PDE1A: variants seen among roughly 807,000 people sequenced by gnomAD.
The protein encoded by PDE1A is phosphodiesterase 1A, also known as dual specificity calcium/calmodulin-dependent 3',5'-cyclic nucleotide phosphodiesterase 1A.
Under a neutral mutation model 61.7 loss-of-function variants are expected in PDE1A, and 35 were observed. The observed-to-expected ratio is 0.57, with a 90% confidence interval of 0.43 to 0.75. PDE1A has a LOEUF of 0.75. Among genes scored for constraint, PDE1A ranks in the 30% least tolerant of loss-of-function variants. The pLI is 0.00. For missense variants in PDE1A, 597 were observed against 630.6 expected, an observed-to-expected ratio of 0.95 and a Z score of 0.57; for synonymous variants, 232 against 213.2, an observed-to-expected ratio of 1.09 and a Z score of -0.77.
intron 2 of PDE1A, among the ~76,000 whole-genome samples, chr2:182,491,030 T>C (rs1688357779): frequency 6.6e-6 from 1 of 152,192 alleles, no homozygotes; most frequent in African/African-American, 2.4e-5. Flanking sequence ...CATTCATGGT[T>C]ATATTTAGGT....
intron 1 of PDE1A, among the ~76,000 whole-genome samples, chr2:182,272,140 T>TG (rs917457044): frequency 1.2e-4 from 18 of 152,164 alleles, no homozygotes; most frequent in Admixed American, 5.2e-4. Flanking sequence ...TCCAGCTAAT[T>TG]GGGGTTCTAC....
intron 1 of PDE1A, among the ~76,000 whole-genome samples, chr2:182,267,963 A>G (rs904990886): frequency 1.3e-5 from 2 of 152,280 alleles, no homozygotes; most frequent in Admixed American, 6.5e-5. Flanking sequence ...ACAAATTCTC[A>G]GAGCTGAAAA....
chr2:182,278,616 G>A (rs932439880), intron 1 of PDE1A, among the ~76,000 whole-genome samples: 1 of 151,892 alleles, frequency 6.6e-6, no homozygotes, highest in African/African-American at 2.4e-5. Flanking sequence ...TTATGGACTA[G>A]ACTTCAAAAT....
chr2:182,246,395 TTTTTTC>T (rs1328347001), intron 2 of PDE1A, among the ~76,000 whole-genome samples: 1 of 101,616 alleles, frequency 9.8e-6, no homozygotes, highest in Non-Finnish European at 1.8e-5. Flanking sequence ...GTCTTTTTTC[TTTTTTC>T]TTTCTTTTTT....
At chr2:182,586,470 T>G in the PDE1A span, among the ~76,000 whole-genome samples, 1 of 152,220 alleles carries the variant, frequency 6.6e-6, no homozygotes, top group East Asian at 1.9e-4. Context: ...ATTATTTACT[T>G]TGACTGTCTA....
At chr2:182,542,581 T>C in the PDE1A span, among the ~76,000 whole-genome samples, 1 of 152,224 alleles carries the variant, frequency 6.6e-6, no homozygotes, top group Non-Finnish European at 1.5e-5. Flanking sequence ...TTTAAATTTT[T>C]TATAAATCTC....
chr2:182,589,282 A>AGGAAGGAC, the PDE1A span, among the ~76,000 whole-genome samples: 1 of 148,074 alleles, frequency 6.8e-6, no homozygotes, highest in Non-Finnish European at 1.5e-5. Flanking sequence ...GAAGGAAGGA[A>AGGAAGGAC]GGAAGGAAGG....
chr2:182,462,613 G>A (rs1446659099), intron 2 of PDE1A, among the ~76,000 whole-genome samples: 1 of 151,724 alleles, frequency 6.6e-6, no homozygotes, highest in Non-Finnish European at 1.5e-5. Context: ...CTTAGATATT[G>A]ACTAGTCAAA....
the PDE1A span, among the ~76,000 whole-genome samples, chr2:182,641,028 A>AAAAAAAAAAG: frequency 1.7e-3 from 260 of 149,684 alleles, 8 homozygotes; most frequent in African/African-American, 5.6e-3. Flanking sequence ...TCAAAAAAAA[A>AAAAAAAAAAG]AAGAAGAAGA....
intron 1 of PDE1A, among the ~76,000 whole-genome samples, chr2:182,299,252 G>T (rs541616019): frequency 6.6e-6 from 1 of 151,616 alleles, no homozygotes; most frequent in Non-Finnish European, 1.5e-5. Context: ...CTGTCTCACA[G>T]TGGACATAAT....
chr2:182,642,659 G>A, the PDE1A span, among the ~76,000 whole-genome samples: 1 of 152,130 alleles, frequency 6.6e-6, no homozygotes, highest in African/African-American at 2.4e-5. Flanking sequence ...AGGAATTGGG[G>A]AAGAGATGCT....
intron 2 of PDE1A, chr2:182,241,667 T>C: frequency 1.9e-6 from 1 of 533,074 alleles, no homozygotes; most frequent in Non-Finnish European, 3.1e-6. Flanking sequence ...TTTTCCATGG[T>C]ATTAAATAAG....
At chr2:182,365,072 T>G (rs889799703) in intron 1 of PDE1A, among the ~76,000 whole-genome samples, 1 of 152,084 alleles carries the variant, frequency 6.6e-6, no homozygotes, top group East Asian at 1.9e-4. Context: ...CAATTTCAAT[T>G]TGTAGAAGGT....
intron 6 of PDE1A, among the ~76,000 whole-genome samples, chr2:182,225,479 T>A (rs933584188): frequency 2.0e-5 from 3 of 151,962 alleles, no homozygotes; most frequent in Admixed American, 6.6e-5. Context: ...ATTCGGCACA[T>A]ATTAGGAACT....
chr2:182,357,221 T>C (rs1397761848), intron 1 of PDE1A, among the ~76,000 whole-genome samples: 1 of 149,506 alleles, frequency 6.7e-6, no homozygotes. Flanking sequence ...AAAGTGATTC[T>C]TAAAAAATAA....
chr2:182,657,620 CA>C, the PDE1A span, among the ~76,000 whole-genome samples: 189 of 152,224 alleles, frequency 1.2e-3, 2 homozygotes, highest in Non-Finnish European at 2.0e-3. Context: ...AGAAAAATAA[CA>C]AAAACACCTG....
chr2:182,234,645 A>G (rs1220311910), intron 3 of PDE1A, 147 bp from the exon 4 acceptor site: 3 of 587,752 alleles, frequency 5.1e-6, no homozygotes, highest in Non-Finnish European at 9.2e-6. Flanking sequence ...AATGATAACT[A>G]TAGTCACCTT....
chr2:182,374,277 A>G (rs1275100718), intron 1 of PDE1A, among the ~76,000 whole-genome samples: 2 of 152,150 alleles, frequency 1.3e-5, no homozygotes, highest in Admixed American at 1.3e-4. Flanking sequence ...GAATATTCAT[A>G]TAGAAAGAAT....
chr2:182,596,879 C>A, the PDE1A span, among the ~76,000 whole-genome samples: 1 of 152,136 alleles, frequency 6.6e-6, no homozygotes, highest in Admixed American at 6.5e-5. Flanking sequence ...CACTGCCAGG[C>A]GCAATGGCTC....
Sources: allele counts gnomAD v4.1 joint callset (sites outside exome capture counted in the v4.1 genomes callset), GRCh38; gene constraint gnomAD v4.1.1; transcripts MANE v1.5; gene names NCBI Gene and HGNC (gene_info 2026-07-23, HGNC 2026-07-21).